The following DIAPH2 variants were observed in gnomAD, a reference collection of about 807,000 sequenced individuals.
The protein encoded by DIAPH2 is diaphanous related formin 2, also known as protein diaphanous homolog 2.
DIAPH2 carries 35 observed loss-of-function variants against 92.7 expected under a neutral mutation model. That is an observed-to-expected ratio of 0.38 (90% CI 0.29 to 0.50). The LOEUF (loss-of-function observed/expected upper bound fraction) is 0.50, where lower values mean the gene tolerates loss of function less well. Ranked by LOEUF, DIAPH2 falls within the 20% of genes least tolerant of loss-of-function variation. The pLI is 0.94. For missense variants in DIAPH2, 701 were observed against 819.5 expected, an observed-to-expected ratio of 0.86 and a Z score of 1.77; for synonymous variants, 301 against 280.4, an observed-to-expected ratio of 1.07 and a Z score of -0.73.
intron 26 of DIAPH2, among the ~76,000 whole-genome samples, chrX:97,479,119 T>C (rs1292706727): frequency 9.0e-6 from 1 of 111,367 alleles, no homozygotes; most frequent in Non-Finnish European, 1.9e-5. Flanking sequence ...TATTTCCTTT[T>C]TGAAGCAGGA....
intron 22 of DIAPH2, among the ~76,000 whole-genome samples, chrX:97,171,158 G>A (rs2067450630): frequency 8.9e-6 from 1 of 112,137 alleles, no homozygotes. Flanking sequence ...ACAGGCGTAA[G>A]CCACCGTACC....
chrX:97,514,539 TC>T (rs1218878774), intron 26 of DIAPH2, among the ~76,000 whole-genome samples: 1 of 112,344 alleles, frequency 8.9e-6, no homozygotes, highest in African/African-American at 3.3e-5. Context: ...CCAGCTTTGT[TC>T]CGTTGCTGGT....
chrX:96,856,135 C>A (rs761253361), intron 4 of DIAPH2, among the ~76,000 whole-genome samples: 21 of 111,770 alleles, frequency 1.9e-4, no homozygotes, highest in Admixed American at 1.3e-3. Context: ...TAGCTCAAAA[C>A]ACGAAAGATG....
chrX:97,261,529 T>A (rs1173483973), intron 23 of DIAPH2, among the ~76,000 whole-genome samples: 1 of 111,973 alleles, frequency 8.9e-6, no homozygotes, highest in East Asian at 2.8e-4. Flanking sequence ...TCATTTCCTT[T>A]AGAGGAAATA....
intron 26 of DIAPH2, among the ~76,000 whole-genome samples, chrX:97,432,485 T>A (rs951818755): frequency 9.2e-6 from 1 of 109,037 alleles, no homozygotes; most frequent in African/African-American, 3.3e-5. Context: ...ATTTTATTTT[T>A]ATTTTTATTT....
chrX:97,194,535 T>C lies in DIAPH2; in HGVS notation c.2719+52741T>C, dbSNP rs779754000. On this transcript the variant is annotated intron_variant, in intron 22 of 26. Coordinates refer to ENST00000324765, the MANE Select transcript of DIAPH2 (RefSeq NM_006729.5). ...TCCCGACCTCGTGATCCGCCCACCT[T>C]GGCCTCCCAAAGTGCTGGGATTACA... is the stretch of plus-strand genomic sequence containing the variant. Among the ~76,000 whole-genome samples the C allele has an allele frequency of 4.4e-3, 486 of 110,937 alleles. 9 individuals carry two copies. The East Asian group carries it at 0.094, about 21-fold the overall frequency.
intron 23 of DIAPH2, among the ~76,000 whole-genome samples, chrX:97,265,371 G>A (rs893429030): frequency 8.9e-6 from 1 of 111,985 alleles, no homozygotes; most frequent in Non-Finnish European, 1.9e-5. Context: ...CAGTCTCAGA[G>A]AGTAATGAAA....
intron 23 of DIAPH2, among the ~76,000 whole-genome samples, chrX:97,334,313 A>C (rs1229101931): frequency 9.1e-6 from 1 of 109,723 alleles, no homozygotes; most frequent in Non-Finnish European, 1.9e-5. Context: ...ATACAAAAAA[A>C]TTAGCCGAGC....
chrX:96,698,793 T>C (rs2063838748), intron 1 of DIAPH2, among the ~76,000 whole-genome samples: 1 of 107,489 alleles, frequency 9.3e-6, no homozygotes, highest in Non-Finnish European at 1.9e-5. Flanking sequence ...AGTGGCATGA[T>C]CATAGCTCAC....
intron 1 of DIAPH2, among the ~76,000 whole-genome samples, chrX:96,706,050 A>G (rs185199933): frequency 1.1e-3 from 121 of 112,542 alleles, no homozygotes; most frequent in Non-Finnish European, 1.7e-3. Context: ...TTTGTTTGCT[A>G]ACTCTTAAGA....
rs186403086 is a variant in DIAPH2, at chrX:96,985,194, G to A, written c.2050+19987G>A. 3.6e-5 allele frequency among the ~76,000 whole-genome samples: 4 copies of A among 111,274 alleles called. No homozygotes were observed. In the East Asian group the frequency reaches 1.1e-3, roughly 31 times the overall value. ...TCACTGGCCTTATACATGCCCTGACGGGTCTAAAGCTTATCTGAGTACCAG... is the reference window on the plus strand; with the variant it reads ...TCACTGGCCTTATACATGCCCTGACAGGTCTAAAGCTTATCTGAGTACCAG... On this transcript the variant is annotated intron_variant, in intron 17 of 26. Coordinates refer to ENST00000324765, the MANE Select transcript of DIAPH2 (RefSeq NM_006729.5).
At chrX:97,277,592 A>T (rs2068462224) in intron 23 of DIAPH2, among the ~76,000 whole-genome samples, 1 of 110,991 alleles carries the variant, frequency 9.0e-6, no homozygotes, top group South Asian at 3.9e-4. Flanking sequence ...AGGATAATGA[A>T]TCTCAAGGTA....
At chrX:97,192,560 G>A (rs1416918493) in intron 22 of DIAPH2, among the ~76,000 whole-genome samples, 1 of 111,311 alleles carries the variant, frequency 9.0e-6, no homozygotes, top group East Asian at 2.8e-4. Context: ...TCATCAGCCT[G>A]TAAATGATAA....
intron 26 of DIAPH2, among the ~76,000 whole-genome samples, chrX:97,525,410 G>C: frequency 8.9e-6 from 1 of 112,083 alleles, no homozygotes; most frequent in East Asian, 2.8e-4. Context: ...CCCCATCACC[G>C]GGGGGCTATG....
chrX:96,886,860 G>A (rs765007210), intron 5 of DIAPH2, among the ~76,000 whole-genome samples: 110 of 110,259 alleles, frequency 1.0e-3, no homozygotes, highest in African/African-American at 3.5e-3. Context: ...CAGTGGATGC[G>A]TAGCCACTTG....
At chrX:97,085,527 T>C (rs2066777012) in intron 19 of DIAPH2, among the ~76,000 whole-genome samples, 1 of 110,938 alleles carries the variant, frequency 9.0e-6, no homozygotes, top group South Asian at 3.9e-4. Context: ...TGGGCTCAAG[T>C]GATTCTCCTT....
In DIAPH2 at chrX:97,349,082, A is replaced by AT. The variant is rs201110907; in HGVS notation, c.3009+816dup. ...TATGTGTGTGTATATATATATATAT[A>AT]TTTTTTTTTTTTTTAATTTTTTTTG... On this transcript the variant is annotated intron_variant, in intron 24 of 26. Coordinates refer to ENST00000324765, the MANE Select transcript of DIAPH2 (RefSeq NM_006729.5). Among the ~76,000 whole-genome samples the AT allele has an allele frequency of 4.0e-3, 347 of 86,093 alleles. 4 individuals are homozygous for AT. The highest frequency in any genetic ancestry group is 0.014 in the African/African-American group (298 of 21,023). 74.8% of individuals were successfully genotyped at this position (86,093 alleles called of 115,157 possible).
intron 4 of DIAPH2, among the ~76,000 whole-genome samples, chrX:96,761,894 G>C (rs1291713088): frequency 9.0e-6 from 1 of 110,933 alleles, no homozygotes. Flanking sequence ...AATAATCACT[G>C]CTTGTAAATA....
chrX:97,218,820 T>C (rs930042545), intron 22 of DIAPH2, among the ~76,000 whole-genome samples: 34 of 112,132 alleles, frequency 3.0e-4, no homozygotes, highest in African/African-American at 1.0e-3. Flanking sequence ...ATAGTTGTTA[T>C]ATTGAGTTTT....
Sources: allele counts gnomAD v4.1 joint callset (sites outside exome capture counted in the v4.1 genomes callset), GRCh38; gene constraint gnomAD v4.1.1; transcripts MANE v1.5; gene names NCBI Gene and HGNC (gene_info 2026-07-23, HGNC 2026-07-21).